ASAP1: variants seen among roughly 807,000 people sequenced by gnomAD.
ASAP1 encodes arf-GAP with SH3 domain, ANK repeat and PH domain-containing protein 1.
In ASAP1, 43 loss-of-function variants were observed where a neutral mutation model predicts 145.2. That is an observed-to-expected ratio of 0.30 (90% CI 0.23 to 0.38). The LOEUF (loss-of-function observed/expected upper bound fraction) is 0.38. Ranked by LOEUF, ASAP1 falls within the 10% of genes least tolerant of loss-of-function variation. The pLI, the probability that ASAP1 is intolerant of heterozygous loss-of-function variation, is 1.00. For synonymous variants in ASAP1, 546 were observed against 515.5 expected, an observed-to-expected ratio of 1.06 and a Z score of -0.80; for missense variants, 1,018 against 1,355.3, an observed-to-expected ratio of 0.75 and a Z score of 3.91.
In ASAP1 at chr8:130,260,643, G is replaced by A. The variant is rs1031672905; in HGVS notation, c.187-23649C>T. Among the ~76,000 whole-genome samples the A allele has an allele frequency of 2.6e-5, 4 of 152,032 alleles. No individual in the cohort carries two copies. In the East Asian group the frequency reaches 7.8e-4, roughly 29 times the overall value. ...GAATTTCAGACTGTGGGGAGCACTGGCCCAGGCTAGCAAGTAAGTCCCTCA... is the reference window on the plus strand; with the variant it reads ...GAATTTCAGACTGTGGGGAGCACTGACCCAGGCTAGCAAGTAAGTCCCTCA... On this transcript the variant is annotated intron_variant, in intron 3 of 29. Coordinates refer to ENST00000518721, the MANE Select transcript of ASAP1 (RefSeq NM_018482.4).
intron 3 of ASAP1, among the ~76,000 whole-genome samples, chr8:130,339,657 C>T (rs1825255562): frequency 6.6e-6 from 1 of 152,212 alleles, no homozygotes; most frequent in South Asian, 2.1e-4. Flanking sequence ...AAACACAATG[C>T]TATAATCAGG....
At chr8:130,090,016 T>A (rs2135408050) in intron 25 of ASAP1, among the ~76,000 whole-genome samples, 1 of 152,250 alleles carries the variant, frequency 6.6e-6, no homozygotes, top group African/African-American at 2.4e-5. Context: ...AGCGTCCTCA[T>A]CTGGAAAAGG....
intron 2 of ASAP1, chr8:130,360,987 G>A (rs1395331055): frequency 1.3e-5 from 2 of 153,510 alleles, no homozygotes; most frequent in Non-Finnish European, 2.9e-5. Context: ...TTACCCCATG[G>A]AGCACTGACA....
At chr8:130,390,229 T>C (rs1169127621) in intron 2 of ASAP1, among the ~76,000 whole-genome samples, 1 of 152,192 alleles carries the variant, frequency 6.6e-6, no homozygotes, top group African/African-American at 2.4e-5. Flanking sequence ...TAAACATAAA[T>C]TCCCTAAAAT....
chr8:130,391,441 G>A (rs1323168879), intron 2 of ASAP1, among the ~76,000 whole-genome samples: 1 of 152,182 alleles, frequency 6.6e-6, no homozygotes, highest in Admixed American at 6.5e-5. Flanking sequence ...TAATTTTTAT[G>A]TTATGCATAC....
At chr8:130,182,831 C>CAAAAAAAAAAAAAAAAAAACA (rs1814453669) in intron 7 of ASAP1, among the ~76,000 whole-genome samples, 1 of 73,598 alleles carries the variant, frequency 1.4e-5, no homozygotes, top group Non-Finnish European at 2.6e-5. Context: ...TATAAAAAGG[C>CAAAAAAAAAAAAAAAAAAACA]AAAAAAAAAA....
intron 3 of ASAP1, among the ~76,000 whole-genome samples, chr8:130,345,298 T>C (rs1825641193): frequency 6.6e-6 from 1 of 152,170 alleles, no homozygotes; most frequent in Non-Finnish European, 1.5e-5. Flanking sequence ...ATACCAATTC[T>C]CTCATTAATC....
At chr8:130,351,026 A>G (rs1406747180) in intron 3 of ASAP1, among the ~76,000 whole-genome samples, 1 of 152,220 alleles carries the variant, frequency 6.6e-6, no homozygotes, top group Non-Finnish European at 1.5e-5. Flanking sequence ...CTTTGATCAC[A>G]AAAGGCAGAG....
intron 1 of ASAP1, among the ~76,000 whole-genome samples, chr8:130,442,512 A>G (rs1041724629): frequency 1.3e-5 from 2 of 152,198 alleles, no homozygotes; most frequent in African/African-American, 4.8e-5. Context: ...CTAAAAACTG[A>G]TAAGCTTTTA....
intron 2 of ASAP1, among the ~76,000 whole-genome samples, chr8:130,362,175 C>T (rs907245849): frequency 3.3e-5 from 5 of 152,156 alleles, no homozygotes; most frequent in African/African-American, 1.2e-4. Flanking sequence ...TCACTCTCAT[C>T]CATCTGTCTT....
At chr8:130,440,532 A>G (rs553308678) in intron 1 of ASAP1, among the ~76,000 whole-genome samples, 2 of 151,444 alleles carry the variant, frequency 1.3e-5, no homozygotes, top group East Asian at 1.9e-4. Context: ...AGTCAATCAG[A>G]TATCACTGCT....
intron 3 of ASAP1, among the ~76,000 whole-genome samples, chr8:130,292,469 A>C (rs115156862): frequency 5.1e-4 from 78 of 152,334 alleles, no homozygotes; most frequent in African/African-American, 1.7e-3. Flanking sequence ...TGGGCTTTAC[A>C]GAAGAGGAAG....
chr8:130,246,245 T>C (rs72724403), intron 3 of ASAP1, among the ~76,000 whole-genome samples: 5,296 of 152,086 alleles, frequency 0.035, 125 homozygotes, highest in Middle Eastern at 0.065. Context: ...GAGTGAAGTA[T>C]GGGCCTCCTA....
chr8:130,353,876 G>A (rs1826146049), intron 3 of ASAP1, among the ~76,000 whole-genome samples: 1 of 152,020 alleles, frequency 6.6e-6, no homozygotes, highest in South Asian at 2.1e-4. Flanking sequence ...CTGTTTCACG[G>A]AGAGAAGGGA....
intron 13 of ASAP1, among the ~76,000 whole-genome samples, chr8:130,148,425 A>T (rs1191978493): frequency 6.6e-6 from 1 of 152,248 alleles, no homozygotes; most frequent in Non-Finnish European, 1.5e-5. Context: ...TTCAAAGATG[A>T]GTAAGATGCG....
intron 2 of ASAP1, among the ~76,000 whole-genome samples, chr8:130,400,065 C>T (rs1828713648): frequency 6.6e-6 from 1 of 152,106 alleles, no homozygotes; most frequent in African/African-American, 2.4e-5. Context: ...GGTGATCCGC[C>T]CACCTCGGCC....
At position 130,392,969 on chromosome 8, in the gene ASAP1, A is replaced by T. The variant is rs182197245; in HGVS notation, c.59+8916T>A. On this transcript the variant is annotated intron_variant, in intron 2 of 29. Coordinates refer to ENST00000518721, the MANE Select transcript of ASAP1 (RefSeq NM_018482.4). ...GAGGTTTAGAGGGGTCAAATATCCA[A>T]ACCATGGCACCGAGGCACACAGAAA... is the stretch of plus-strand genomic sequence containing the variant. Among the ~76,000 whole-genome samples, 239 of 152,306 alleles carry T rather than the reference A, an allele frequency of 1.6e-3. 2 individuals are homozygous for T. The highest frequency in any genetic ancestry group is 5.2e-3 in the African/African-American group (218 of 41,564).
Position 130,060,751 on chromosome 8 carries a change from A to G in ASAP1, c.3020T>C (p.Val1007Ala). 3 of 1,614,100 alleles carry G rather than the reference A, an allele frequency of 1.9e-6. No individual in the cohort carries two copies. Among genetic ancestry groups the G allele is most frequent in the Non-Finnish European group, 1.7e-6 (2 of 1,180,026 alleles). The change falls in exon 28 of 30, where the codon GTC becomes GCC. Residue 1007 changes from valine (V) to alanine (A), a missense_variant. By Grantham distance (64) the Val-to-Ala change is moderately conservative. This residue lies in a region of ASAP1 where 139 missense variants were observed against 131.0 expected (regional missense o/e 1.06). Transcript: ENST00000518721. Reference sequence around the variant, plus strand: ...AGAGGGTTGCTGAGCCTTGGGTGAGACATCTCCAGTCTGGGATTTTGCTAG... The same window carrying G: ...AGAGGGTTGCTGAGCCTTGGGTGAGGCATCTCCAGTCTGGGATTTTGCTAG... ...DLLAKSQTGD[V>A]SPKAQQPSEV...
intron 5 of ASAP1, among the ~76,000 whole-genome samples, chr8:130,207,085 T>C (rs1816274806): frequency 6.6e-6 from 1 of 152,220 alleles, no homozygotes; most frequent in Non-Finnish European, 1.5e-5. Flanking sequence ...AGCATTCTGC[T>C]TCCTTTTTCT....
Sources: allele counts gnomAD v4.1 joint callset (sites outside exome capture counted in the v4.1 genomes callset), GRCh38; gene constraint gnomAD v4.1.1; regional missense constraint gnomAD v4.1.1; transcripts MANE v1.5; gene names NCBI Gene and HGNC (gene_info 2026-07-23, HGNC 2026-07-21).